The following SLCO2A1 variants were observed in gnomAD, a reference collection of about 807,000 sequenced individuals.
SLCO2A1 encodes the protein solute carrier organic anion transporter family member 2A1.
In SLCO2A1, 60 loss-of-function variants were observed where a neutral mutation model predicts 71.7. That is an observed-to-expected ratio of 0.84 (90% CI 0.68 to 1.04). The LOEUF (loss-of-function observed/expected upper bound fraction) is 1.04. Ranked by LOEUF, SLCO2A1 falls within the 50% of genes least tolerant of loss-of-function variation. The pLI, the probability that SLCO2A1 is intolerant of heterozygous loss-of-function variation, is 0.00. For missense variants in SLCO2A1, 745 were observed against 813.4 expected, an observed-to-expected ratio of 0.92 and a Z score of 1.02; for synonymous variants, 308 against 326.7, an observed-to-expected ratio of 0.94 and a Z score of 0.62.
In SLCO2A1 at chr3:133,938,297, G is replaced by A. The variant is rs189483939; in HGVS notation, c.1690+132C>T. The stretch of plus-strand genomic sequence containing the variant: ...GTCCACATGGATTTTGGCATCTGCT[G>A]TTGATTATGCACAGCTTCTCTTCGC... On this transcript the variant is annotated intron_variant, in intron 12 of 13. Coordinates refer to ENST00000310926, the MANE Select transcript of SLCO2A1 (RefSeq NM_005630.3). The A allele has an allele frequency of 4.5e-4, 368 of 824,348 alleles. 2 individuals are homozygous for A. The African/African-American group carries it at 5.4e-3, about 12-fold the overall frequency. The allele number at this position is 824,348 out of a possible 1,614,324, so 51.1% of individuals were successfully genotyped here.
At chr3:133,959,167 C>T (rs972010267) in intron 3 of SLCO2A1, among the ~76,000 whole-genome samples, 2 of 152,064 alleles carry the variant, frequency 1.3e-5, no homozygotes, top group African/African-American at 2.4e-5. Context: ...GGACCTGGAC[C>T]CAGTTACATT....
intron 13 of SLCO2A1, among the ~76,000 whole-genome samples, chr3:133,935,398 C>G (rs979573168): frequency 6.6e-6 from 1 of 152,162 alleles, no homozygotes; most frequent in Non-Finnish European, 1.5e-5. Flanking sequence ...GATGTGGCCC[C>G]CCTCTGTCTC....
chr3:134,019,654 T>C lies in SLCO2A1; in HGVS notation c.96+10053A>G, dbSNP rs183568327. Among the ~76,000 whole-genome samples the C allele has an allele frequency of 2.9e-3, 442 of 152,286 alleles. 2 individuals are homozygous for C. The highest frequency in any genetic ancestry group is 0.01 in the African/African-American group (430 of 41,562). On this transcript the variant is annotated intron_variant, in intron 1 of 13. Coordinates refer to ENST00000310926, the MANE Select transcript of SLCO2A1 (RefSeq NM_005630.3). ...TACCAGCTCTTGCAGGTAAGGACGC[T>C]GAGGCCCTGAAAAGGTGAGAAATGC...
chr3:133,945,407 A>G, intron 9 of SLCO2A1, 147 bp from the exon 10 acceptor site: 1 of 767,530 alleles, frequency 1.3e-6, no homozygotes, highest in South Asian at 1.8e-5. Context: ...GATCTGAATT[A>G]TGCCTGGTGG....
Position 134,009,841 on chromosome 3 carries a change from G to A in SLCO2A1, c.96+19866C>T, listed in dbSNP as rs1048079873. 1.1e-4 allele frequency among the ~76,000 whole-genome samples: 16 copies of A among 152,228 alleles called. 1 individual carries two copies. Among genetic ancestry groups the A allele is most frequent in the Admixed American group, 8.5e-4 (13 of 15,284 alleles). On this transcript the variant is annotated intron_variant, in intron 1 of 13. Coordinates refer to ENST00000310926, the MANE Select transcript of SLCO2A1 (RefSeq NM_005630.3). ...TCAACAGTCTGTGGTTTGTGGTGAA[G>A]TACATAGAGAAAAAATCTTAAGACG...
At chr3:134,000,406 T>C (rs888500896) in intron 1 of SLCO2A1, among the ~76,000 whole-genome samples, 1 of 151,840 alleles carries the variant, frequency 6.6e-6, no homozygotes, top group Non-Finnish European at 1.5e-5. Context: ...AAAGGGCCGA[T>C]GGGAGGTGTT....
intron 1 of SLCO2A1, among the ~76,000 whole-genome samples, chr3:134,016,670 C>G (rs1935461887): frequency 6.6e-6 from 1 of 152,186 alleles, no homozygotes; most frequent in Non-Finnish European, 1.5e-5. Context: ...ACATATAACC[C>G]AGCAAACACA....
At chr3:133,971,227 GA>G (rs1367550228) in intron 3 of SLCO2A1, among the ~76,000 whole-genome samples, 1 of 152,268 alleles carries the variant, frequency 6.6e-6, no homozygotes, top group East Asian at 1.9e-4. Flanking sequence ...CTGGAAAGAA[GA>G]CAGTGCAGCC....
At chr3:134,009,690 A>G (rs1163783953) in intron 1 of SLCO2A1, among the ~76,000 whole-genome samples, 1 of 152,258 alleles carries the variant, frequency 6.6e-6, no homozygotes, top group African/African-American at 2.4e-5. Flanking sequence ...AGAAAGAGGA[A>G]ACTGAGGAAT....
At chr3:133,974,042 C>T (rs112975601) in intron 2 of SLCO2A1, among the ~76,000 whole-genome samples, 1 of 152,180 alleles carries the variant, frequency 6.6e-6, no homozygotes, top group Non-Finnish European at 1.5e-5. Flanking sequence ...TATCAGAAAC[C>T]CTTCTGGGTC....
intron 3 of SLCO2A1, among the ~76,000 whole-genome samples, chr3:133,973,142 T>C (rs957937533): frequency 1.6e-4 from 24 of 152,182 alleles, no homozygotes; most frequent in Admixed American, 1.0e-3. Context: ...ATAGAGACAT[T>C]AATGAACTTC....
intron 12 of SLCO2A1, among the ~76,000 whole-genome samples, chr3:133,937,617 C>T (rs560478226): frequency 2.5e-4 from 38 of 152,306 alleles, no homozygotes; most frequent in African/African-American, 6.7e-4. Context: ...TAGTCAGAAA[C>T]GACACCTTAT....
chr3:134,027,490 C>T (rs568367081), intron 1 of SLCO2A1, among the ~76,000 whole-genome samples: 1 of 152,338 alleles, frequency 6.6e-6, no homozygotes, highest in South Asian at 2.1e-4. Context: ...GGTGCACCCC[C>T]TTAGAGTTGT....
chr3:134,010,667 T>C (rs1935316604), intron 1 of SLCO2A1, among the ~76,000 whole-genome samples: 1 of 142,706 alleles, frequency 7.0e-6, no homozygotes, highest in Non-Finnish European at 1.5e-5. Context: ...GGCAGAAGAA[T>C]CGCTTGAACC....
chr3:133,975,696 A>G (rs918647147), intron 2 of SLCO2A1, among the ~76,000 whole-genome samples: 3 of 151,948 alleles, frequency 2.0e-5, no homozygotes, highest in Non-Finnish European at 4.4e-5. Context: ...TTCTTTGACC[A>G]CACCAAAGAA....
At chr3:133,960,298 A>G (rs1393849135) in intron 3 of SLCO2A1, among the ~76,000 whole-genome samples, 1 of 152,224 alleles carries the variant, frequency 6.6e-6, no homozygotes, top group East Asian at 1.9e-4. Context: ...AAAGTTAGAA[A>G]CAGCCCAAAT....
At chr3:133,985,091 C>CGGTTGCTTTCA (rs1934682841) in intron 1 of SLCO2A1, among the ~76,000 whole-genome samples, 1 of 152,194 alleles carries the variant, frequency 6.6e-6, no homozygotes, top group Admixed American at 6.5e-5. Context: ...TTTAACTTCC[C>CGGTTGCTTTCA]GGTTGCTTTC....
intron 1 of SLCO2A1, among the ~76,000 whole-genome samples, chr3:133,998,362 G>C (rs1319213436): frequency 6.6e-6 from 1 of 152,150 alleles, no homozygotes; most frequent in African/African-American, 2.4e-5. Flanking sequence ...GACAGATGTG[G>C]GGACAGCCAG....
chr3:133,986,643 A>C (rs1934721175), intron 1 of SLCO2A1, among the ~76,000 whole-genome samples: 1 of 152,208 alleles, frequency 6.6e-6, no homozygotes, highest in South Asian at 2.1e-4. Context: ...GAAGTTCTTT[A>C]ATAAAGAGAG....
Sources: gnomAD v4.1 joint callset for allele counts (sites outside exome capture counted in the v4.1 genomes callset) on GRCh38, gnomAD v4.1.1 for gene constraint, MANE v1.5 for transcripts, NCBI Gene and HGNC (gene_info 2026-07-23, HGNC 2026-07-21) for gene names.